FOXE1: variants seen among roughly 807,000 people sequenced by gnomAD.
FOXE1 encodes forkhead box protein E1.
Under a neutral mutation model 2.1 loss-of-function variants are expected in FOXE1, and 4 were observed. The ratio of observed to expected loss-of-function variants is 1.91; its 90% CI spans 0.94 to 4.37. FOXE1 has a LOEUF of 4.37. Among genes scored for constraint, FOXE1 ranks in the 30% most tolerant of loss-of-function variants. The pLI is 0.01. For missense variants in FOXE1, 574 were observed against 583.3 expected (o/e 0.98, Z 0.16); for synonymous variants, 277 against 272.4 (o/e 1.02, Z -0.17).
Position 97,854,418 on chromosome 9 carries a change from AGCCGCCGCCGCCGCCGCCGCCGCCGCC to A in FOXE1, c.511_537del (p.Ala171_Ala179del). 8.2e-7 allele frequency: 1 copy of A among 1,219,832 alleles called. No individual in the cohort carries two copies. The highest frequency in any genetic ancestry group is 1.0e-6 in the Non-Finnish European group (1 of 979,452). The allele number at this position is 1,219,832 out of a possible 1,614,324, so 75.6% of individuals were successfully genotyped here. A position where few individuals can be genotyped will look rare whatever the true frequency, so the allele number is the denominator to read the frequency against. The stretch of plus-strand genomic sequence containing the variant: ...ACATGCACGACGCGGCGGCTGCCGC[AGCCGCCGCCGCCGCCGCCGCCGCCGCC>A]GCCGCCATCTTCCCAGGCGCGGTGC... On this transcript the variant is annotated inframe_deletion, in exon 1 of 1. Transcript: ENST00000375123.
In FOXE1 at chr9:97,855,420, C is replaced by A. The variant is rs868422541; in HGVS notation, c.*384C>A. 3 of 329,634 alleles carry A rather than the reference C, an allele frequency of 9.1e-6. No individual in the cohort carries two copies. Among genetic ancestry groups the A allele is most frequent in the African/African-American group, 2.1e-5 (1 of 47,310 alleles). 20.4% of individuals were successfully genotyped at this position (329,634 alleles called of 1,614,324 possible). ...CTTCCATGTGCTGCCGGAACTCGGG[C>A]CTTTTTACGCGGTTCGTCCTCTAGT... On this transcript the variant is annotated 3_prime_UTR_variant, in exon 1 of 1. Coordinates refer to ENST00000375123, the MANE Select transcript of FOXE1 (RefSeq NM_004473.4).
At position 97,855,098 on chromosome 9, in the gene FOXE1, G is replaced by C; in HGVS notation, c.*62G>C. The C allele has an allele frequency of 6.3e-7, 1 of 1,579,448 alleles. No individual in the cohort carries two copies. Among genetic ancestry groups the C allele is most frequent in the Non-Finnish European group, 8.6e-7 (1 of 1,159,022 alleles). On this transcript the variant is annotated 3_prime_UTR_variant, in exon 1 of 1. Coordinates refer to ENST00000375123, the MANE Select transcript of FOXE1 (RefSeq NM_004473.4). ...TGTTCACACGTTCCCCGCAATCTGAGAACGAACAGGAATGGAGAGAGGACT... is the reference window on the plus strand; with the variant it reads ...TGTTCACACGTTCCCCGCAATCTGACAACGAACAGGAATGGAGAGAGGACT...
Position 97,853,900 on chromosome 9 carries a change from C to G in FOXE1, c.-15C>G. ...CGCGGGGATCCAGAGCCCGGGGGTG[C>G]GGGACGCCCGCGCCATGACTGCCGA... On this transcript the variant is annotated 5_prime_UTR_variant, in exon 1 of 1. Transcript: ENST00000375123. 7.9e-7 allele frequency: 1 copy of G among 1,273,208 alleles called. No individual in the cohort carries two copies. 78.9% of individuals were successfully genotyped at this position (1,273,208 alleles called of 1,614,324 possible).
Position 97,856,503 on chromosome 9 carries a change from C to T in FOXE1, c.*1467C>T, listed in dbSNP as rs1283411624. The T allele has an allele frequency of 3.0e-5, 5 of 167,030 alleles. No individual in the cohort carries two copies. The highest frequency in any genetic ancestry group is 1.2e-4 in the African/African-American group (5 of 41,442). The allele number at this position is 167,030 out of a possible 1,614,324, so 10.3% of individuals were successfully genotyped here. A position where few individuals can be genotyped will look rare whatever the true frequency, so the allele number is the denominator to read the frequency against. On this transcript the variant is annotated 3_prime_UTR_variant, in exon 1 of 1. Coordinates refer to ENST00000375123, the MANE Select transcript of FOXE1 (RefSeq NM_004473.4). ...TCTGTATAAACTTAACAGGGAAGGG[C>T]TGGGGTGTGAAAAAGAAGATTGTAT...
Position 97,853,703 on chromosome 9 carries a change from G to C in FOXE1, c.-212G>C. Reference sequence around the variant, plus strand: ...AGCCGTCGGCTAGCGGGTCACTCCCGAGCCTCTGTCTGCACCGCGCCAGCC... The same window carrying C: ...AGCCGTCGGCTAGCGGGTCACTCCCCAGCCTCTGTCTGCACCGCGCCAGCC... On this transcript the variant is annotated 5_prime_UTR_variant, in exon 1 of 1. Coordinates refer to ENST00000375123, the MANE Select transcript of FOXE1 (RefSeq NM_004473.4). 5.2e-6 allele frequency: 2 copies of C among 382,764 alleles called. No homozygotes were observed. Among genetic ancestry groups the C allele is most frequent in the East Asian group, 8.1e-5 (2 of 24,660 alleles). The allele number at this position is 382,764 out of a possible 1,614,324, so 23.7% of individuals were successfully genotyped here. A position where few individuals can be genotyped will look rare whatever the true frequency, so the allele number is the denominator to read the frequency against.
rs763695737 is a variant in FOXE1, at chr9:97,854,412, T to TGCCGCA, written c.504_509dup (p.Ala178_Ala179dup). 7.7e-5 allele frequency: 92 copies of TGCCGCA among 1,192,270 alleles called. No homozygotes were observed. The highest frequency in any genetic ancestry group is 1.5e-4 in the African/African-American group (6 of 41,040). The allele number at this position is 1,192,270 out of a possible 1,614,324, so 73.9% of individuals were successfully genotyped here. On this transcript the variant is annotated inframe_insertion, in exon 1 of 1. Transcript: ENST00000375123. ...CGGCTTACATGCACGACGCGGCGGC[T>TGCCGCA]GCCGCAGCCGCCGCCGCCGCCGCCG...
Position 97,853,848 on chromosome 9 carries a change from C to A in FOXE1, c.-67C>A, listed in dbSNP as rs907321907. On this transcript the variant is annotated 5_prime_UTR_variant, in exon 1 of 1. Coordinates refer to ENST00000375123, the MANE Select transcript of FOXE1 (RefSeq NM_004473.4). Reference sequence around the variant, plus strand: ...GGGCCGAGCGTCCGTTCCGGGGACGCCAGGCCCGCCCCCGCCCCCCGACAG... The same window carrying A: ...GGGCCGAGCGTCCGTTCCGGGGACGACAGGCCCGCCCCCGCCCCCCGACAG... 6.6e-5 allele frequency: 79 copies of A among 1,205,108 alleles called. No homozygotes were observed. Among genetic ancestry groups the A allele is most frequent in the Non-Finnish European group, 8.2e-5 (79 of 963,664 alleles). 74.7% of individuals were successfully genotyped at this position (1,205,108 alleles called of 1,614,324 possible).
chr9:97,855,069 C>A lies in FOXE1; in HGVS notation c.*33C>A. On this transcript the variant is annotated 3_prime_UTR_variant, in exon 1 of 1. Transcript: ENST00000375123. ...TAGGGACGAAAACTCATAGACACAT[C>A]GGCTGTTCACACGTTCCCCGCAATC... The A allele has an allele frequency of 1.9e-6, 3 of 1,610,426 alleles. No individual in the cohort carries two copies. Among genetic ancestry groups the A allele is most frequent in the Non-Finnish European group, 2.5e-6 (3 of 1,178,624 alleles).
In FOXE1 at chr9:97,854,977, C is replaced by T; in HGVS notation, c.1063C>T (p.His355Tyr). The T allele has an allele frequency of 3.1e-6, 5 of 1,606,420 alleles. No homozygotes were observed. The highest frequency in any genetic ancestry group is 2.2e-5 in the East Asian group (1 of 44,870). Residue 355 changes from histidine (H) to tyrosine (Y), a missense_variant, in exon 1 of 1, where the codon CAT becomes TAT. Physicochemically the swap from His to Tyr is moderately conservative, Grantham distance 83. Transcript: ENST00000375123. ...QLGGASAGAY[H>Y]ARHAAAYPGG... Reference sequence around the variant, plus strand: ...CGGAGGGGCCAGTGCAGGCGCCTACCATGCTCGCCATGCTGCCGCTTATCC... The same window carrying T: ...CGGAGGGGCCAGTGCAGGCGCCTACTATGCTCGCCATGCTGCCGCTTATCC...
chr9:97,854,405 C>A lies in FOXE1; in HGVS notation c.491C>A (p.Ala164Glu). 7.8e-7 allele frequency: 1 copy of A among 1,283,984 alleles called. No homozygotes were observed. The highest frequency in any genetic ancestry group is 2.4e-5 in the South Asian group (1 of 42,024). The allele number at this position is 1,283,984 out of a possible 1,614,324, so 79.5% of individuals were successfully genotyped here. A position where few individuals can be genotyped will look rare whatever the true frequency, so the allele number is the denominator to read the frequency against. ...LSTYPAYMHD[A>E]AAAAAAAAAA... ...ACCTACCCGGCTTACATGCACGACG[C>A]GGCGGCTGCCGCAGCCGCCGCCGCC... The change falls in exon 1 of 1, where the codon GCG becomes GAG. Residue 164 changes from alanine to glutamate, a missense_variant. Coordinates refer to ENST00000375123, the MANE Select transcript of FOXE1 (RefSeq NM_004473.4).
rs940707868 is a variant in FOXE1, at chr9:97,855,047, G to A, written c.*11G>A. 1.2e-6 allele frequency: 2 copies of A among 1,612,704 alleles called. No individual in the cohort carries two copies. The highest frequency in any genetic ancestry group is 1.7e-4 in the Middle Eastern group (1 of 6,042). On this transcript the variant is annotated 3_prime_UTR_variant, in exon 1 of 1. Transcript: ENST00000375123. Reference sequence around the variant, plus strand: ...GTGTCCGCCATGTGAGCCAGCGTAGGGACGAAAACTCATAGACACATCGGC... The same window carrying A: ...GTGTCCGCCATGTGAGCCAGCGTAGAGACGAAAACTCATAGACACATCGGC...
rs1415600667 is a variant in FOXE1 at position 97,853,705 on chromosome 9, G to C, written c.-210G>C. 10 of 382,910 alleles carry C rather than the reference G, an allele frequency of 2.6e-5. No individual in the cohort carries two copies. The Admixed American group carries it at 4.2e-4, about 16-fold the overall frequency. 23.7% of individuals were successfully genotyped at this position (382,910 alleles called of 1,614,324 possible). ...CCGTCGGCTAGCGGGTCACTCCCGAGCCTCTGTCTGCACCGCGCCAGCCCC... is the reference window on the plus strand; with the variant it reads ...CCGTCGGCTAGCGGGTCACTCCCGACCCTCTGTCTGCACCGCGCCAGCCCC... On this transcript the variant is annotated 5_prime_UTR_variant, in exon 1 of 1. Transcript: ENST00000375123.
Position 97,855,058 on chromosome 9 carries a change from C to G in FOXE1, c.*22C>G. On this transcript the variant is annotated 3_prime_UTR_variant, in exon 1 of 1. Transcript: ENST00000375123. ...GTGAGCCAGCGTAGGGACGAAAACT[C>G]ATAGACACATCGGCTGTTCACACGT... 1.2e-6 allele frequency: 2 copies of G among 1,612,428 alleles called. No individual in the cohort carries two copies. Among genetic ancestry groups the G allele is most frequent in the South Asian group, 2.2e-5 (2 of 90,980 alleles).
chr9:97,856,310 C>T lies in FOXE1; in HGVS notation c.*1274C>T, dbSNP rs1441812475. ...TTAGAGAAAGTCCAATAACTCTCCC[C>T]CTTTCCCTTGAGAAATCTTTAAGTT... On this transcript the variant is annotated 3_prime_UTR_variant, in exon 1 of 1. Coordinates refer to ENST00000375123, the MANE Select transcript of FOXE1 (RefSeq NM_004473.4). 6.0e-6 allele frequency: 1 copy of T among 167,120 alleles called. No homozygotes were observed. The highest frequency in any genetic ancestry group is 2.4e-5 in the African/African-American group (1 of 41,456). 10.4% of individuals were successfully genotyped at this position (167,120 alleles called of 1,614,324 possible).
Position 97,855,173 on chromosome 9 carries a change from TC to T in FOXE1, c.*141del, listed in dbSNP as rs774878303. ...CCGAGCAGGCCACAGAGGCTCGGTC[TC>T]CCCGCGCACAGCGTAGGCACCCGGT... On this transcript the variant is annotated 3_prime_UTR_variant, in exon 1 of 1. Transcript: ENST00000375123. 49 of 1,144,404 alleles carry T rather than the reference TC, an allele frequency of 4.3e-5. No homozygotes were observed. The highest frequency in any genetic ancestry group is 6.3e-5 in the Non-Finnish European group (49 of 778,802). The allele number at this position is 1,144,404 out of a possible 1,614,324, so 70.9% of individuals were successfully genotyped here.
chr9:97,854,709 C>G lies in FOXE1; in HGVS notation c.795C>G (p.Gly265=). ...CCACCACCGGCTACCAGCCCGCAGG[C>G]TGCACCGGGGCCCGGCCGGCCAACC... ...PATTTGYQPA[G]CTGARPANPS... Residue 265 remains glycine, a synonymous_variant, in exon 1 of 1, where the codon GGC becomes GGG. Transcript: ENST00000375123. 2.1e-6 allele frequency: 3 copies of G among 1,411,706 alleles called. No individual in the cohort carries two copies. The highest frequency in any genetic ancestry group is 2.7e-6 in the Non-Finnish European group (3 of 1,094,418). The allele number at this position is 1,411,706 out of a possible 1,614,324, so 87.4% of individuals were successfully genotyped here.
chr9:97,855,241 C>A lies in FOXE1; in HGVS notation c.*205C>A, dbSNP rs1830657652. The stretch of plus-strand genomic sequence containing the variant: ...AGGAGGTGGGGCGAGGCAGCCAGAG[C>A]CCTTGGACTGGCACAGGGACCCTCG... On this transcript the variant is annotated 3_prime_UTR_variant, in exon 1 of 1. Transcript: ENST00000375123. The A allele has an allele frequency of 2.9e-6, 2 of 686,324 alleles. No homozygotes were observed. The highest frequency in any genetic ancestry group is 1.7e-5 in the South Asian group (1 of 57,734). The allele number at this position is 686,324 out of a possible 1,614,324, so 42.5% of individuals were successfully genotyped here.
Position 97,854,239 on chromosome 9 carries a change from G to C in FOXE1, c.325G>C (p.Asp109His). The C allele has an allele frequency of 6.2e-7, 1 of 1,613,044 alleles. No individual in the cohort carries two copies. The highest frequency in any genetic ancestry group is 8.5e-7 in the Non-Finnish European group (1 of 1,179,632). ...NSIRHNLTLN[D>H]CFLKIPREAG... is the part of the protein sequence containing the mutation. ...CATCCGCCACAACCTCACACTCAAC[G>C]ACTGCTTCCTCAAGATCCCGCGCGA... The change falls in exon 1 of 1, where the codon GAC becomes CAC. Residue 109 changes from aspartate to histidine, a missense_variant. By Grantham distance (81) the Asp-to-His change is moderately conservative (BLOSUM62 -1). Around this residue, in one of 3 missense-constraint regions of FOXE1, gnomAD observed 249 missense variants for 269.6 expected, o/e 0.92. Coordinates refer to ENST00000375123, the MANE Select transcript of FOXE1 (RefSeq NM_004473.4).
chr9:97,854,209 A>G lies in FOXE1; in HGVS notation c.295A>G (p.Asn99Asp), dbSNP rs1219883840. The change falls in exon 1 of 1, where the codon AAC becomes GAC. Residue 99 changes from asparagine (N) to aspartate (D), a missense_variant. This residue lies in a region of FOXE1 where 249 missense variants were observed against 269.6 expected (regional missense o/e 0.92). Transcript: ENST00000375123. ...FYRDNPKKWQ[N>D]SIRHNLTLND... is the part of the protein sequence containing the mutation. Reference sequence around the variant, plus strand: ...CCGCGACAACCCCAAAAAGTGGCAGAACAGCATCCGCCACAACCTCACACT... The same window carrying G: ...CCGCGACAACCCCAAAAAGTGGCAGGACAGCATCCGCCACAACCTCACACT... 6.2e-7 allele frequency: 1 copy of G among 1,613,012 alleles called. No homozygotes were observed. The highest frequency in any genetic ancestry group is 2.2e-5 in the East Asian group (1 of 44,806).
Sources: gnomAD v4.1 joint callset for allele counts on GRCh38, gnomAD v4.1.1 for gene constraint, gnomAD v4.1.1 regional missense constraint, MANE v1.5 for transcripts, NCBI Gene and HGNC (gene_info 2026-07-23, HGNC 2026-07-21) for gene names.